Variants in PATJ observed in about 807,000 individuals in gnomAD.
PATJ encodes the protein inaD-like protein.
PATJ carries 190 observed loss-of-function variants against 224.9 expected under a neutral mutation model. The ratio of observed to expected loss-of-function variants is 0.84; its 90% CI spans 0.75 to 0.95. The LOEUF (loss-of-function observed/expected upper bound fraction) is 0.95, where lower values mean the gene tolerates loss of function less well. PATJ is among the 40% of genes least tolerant of loss of function. The probability of loss-of-function intolerance (pLI) is 0.00; values close to 1 mark genes in which losing one functional copy is unlikely to be tolerated. For synonymous variants in PATJ, 769 were observed against 820.3 expected, an observed-to-expected ratio of 0.94 and a Z score of 1.07; for missense variants, 2,121 against 2,270.3, an observed-to-expected ratio of 0.93 and a Z score of 1.34.
intron 43 of PATJ, among the ~76,000 whole-genome samples, chr1:62,154,221 A>AT (rs1300253749): frequency 5.3e-5 from 8 of 151,922 alleles, no homozygotes; most frequent in Non-Finnish European, 7.4e-5. Context: ...AACTTCACTG[A>AT]TTTTTTTAAT....
intron 8 of PATJ, among the ~76,000 whole-genome samples, chr1:61,789,242 GT>G (rs1419996321): frequency 6.6e-6 from 1 of 151,902 alleles, no homozygotes; most frequent in Non-Finnish European, 1.5e-5. Context: ...GGAGGCAGAG[GT>G]TGCAGTGAGC....
At chr1:62,108,360 G>A in intron 33 of PATJ, 77 bp from the exon 34 acceptor site, 1 of 673,828 alleles carries the variant, frequency 1.5e-6, no homozygotes, top group Non-Finnish European at 2.5e-6. Flanking sequence ...AGAAAATTAT[G>A]GGTTGCTGCC....
chr1:62,101,930 C>A (rs988304509), intron 33 of PATJ, among the ~76,000 whole-genome samples: 4 of 152,134 alleles, frequency 2.6e-5, no homozygotes, highest in South Asian at 2.1e-4. Context: ...TGTAATCCCA[C>A]CACTTTAGTA....
At chr1:61,798,870 T>G (rs926399485) in intron 11 of PATJ, among the ~76,000 whole-genome samples, 3 of 151,732 alleles carry the variant, frequency 2.0e-5, no homozygotes, top group Non-Finnish European at 2.9e-5. Context: ...CGTGACAGAG[T>G]GAGACCTGTC....
intron 41 of PATJ, among the ~76,000 whole-genome samples, chr1:62,136,015 A>ATT (rs374594803): frequency 0.077 from 4,897 of 63,888 alleles, 1,070 homozygotes; most frequent in Middle Eastern, 0.12. Flanking sequence ...AGACCATTAG[A>ATT]TTTTTTTTTT....
chr1:61,987,589 C>T (rs986475414), intron 27 of PATJ, among the ~76,000 whole-genome samples: 2 of 152,166 alleles, frequency 1.3e-5, no homozygotes, highest in Non-Finnish European at 2.9e-5. Context: ...AGCCTCCTCT[C>T]AACCCCCCAT....
chr1:61,832,440 C>G (rs1026246412), intron 16 of PATJ, among the ~76,000 whole-genome samples: 1 of 152,034 alleles, frequency 6.6e-6, no homozygotes, highest in African/African-American at 2.4e-5. Flanking sequence ...AATTGCTTCT[C>G]TTATACTGGT....
chr1:62,152,382 C>T (rs1027567407), intron 42 of PATJ, among the ~76,000 whole-genome samples: 17 of 144,000 alleles, frequency 1.2e-4, no homozygotes, highest in Admixed American at 5.5e-4. Flanking sequence ...AGTCTGAGTG[C>T]GGCAGCTCAC....
intron 17 of PATJ, among the ~76,000 whole-genome samples, chr1:61,840,516 A>G (rs1570819253): frequency 6.6e-6 from 1 of 152,012 alleles, no homozygotes; most frequent in Non-Finnish European, 1.5e-5. Context: ...AAACTTTGAC[A>G]TATAAATGGA....
chr1:62,135,506 A>C, intron 41 of PATJ, among the ~76,000 whole-genome samples: 1 of 106,788 alleles, frequency 9.4e-6, no homozygotes, highest in African/African-American at 4.0e-5. Context: ...ACAGAGCGAG[A>C]CTCCGTCTCA....
At chr1:62,154,199 GTAAT>G in intron 43 of PATJ, among the ~76,000 whole-genome samples, 1 of 152,168 alleles carries the variant, frequency 6.6e-6, no homozygotes, top group South Asian at 2.1e-4. Flanking sequence ...CCCAGCCTGA[GTAAT>G]TATTTTTAAC....
At chr1:62,003,815 G>A (rs1281240194) in intron 28 of PATJ, among the ~76,000 whole-genome samples, 1 of 152,138 alleles carries the variant, frequency 6.6e-6, no homozygotes, top group Non-Finnish European at 1.5e-5. Context: ...TTTGGAAAGT[G>A]GGCATCTTCT....
At chr1:62,034,725 C>G (rs758505580) in intron 29 of PATJ, among the ~76,000 whole-genome samples, 1 of 152,078 alleles carries the variant, frequency 6.6e-6, no homozygotes, top group Non-Finnish European at 1.5e-5. Context: ...CAGCTTTCTT[C>G]TTTTCAGTGA....
intron 28 of PATJ, among the ~76,000 whole-genome samples, chr1:62,005,304 C>T (rs1646023772): frequency 6.6e-6 from 1 of 151,926 alleles, no homozygotes; most frequent in African/African-American, 2.4e-5. Flanking sequence ...AAGTGATCCA[C>T]CCACCTTGGC....
At chr1:62,133,787 C>T (rs1666516689) in intron 41 of PATJ, among the ~76,000 whole-genome samples, 1 of 144,554 alleles carries the variant, frequency 6.9e-6, no homozygotes, top group Non-Finnish European at 1.5e-5. Context: ...CGCTCTGAAG[C>T]CCAGGCTGGA....
intron 35 of PATJ, among the ~76,000 whole-genome samples, chr1:62,115,561 G>A (rs1664364574): frequency 6.7e-6 from 1 of 150,358 alleles, no homozygotes; most frequent in Admixed American, 6.7e-5. Flanking sequence ...CAGTGAATTG[G>A]AAAGGTAAGT....
Position 62,050,980 on chromosome 1 carries a change from C to T in PATJ, c.4047C>T (p.Thr1349=), listed in dbSNP as rs370259407. 97 of 1,613,446 alleles carry T rather than the reference C, an allele frequency of 6.0e-5. 1 individual carries two copies. The highest frequency in any genetic ancestry group is 3.1e-4 in the African/African-American group (23 of 74,904). ...SPSSIEDQSG[T]EPISSEEDGS... ...ACGTTCCATAGGATCAGAGCGGCACCGAACCTATTAGTAGTGAGGAAGATG... is the reference window on the plus strand; with the variant it reads ...ACGTTCCATAGGATCAGAGCGGCACTGAACCTATTAGTAGTGAGGAAGATG... The change falls in exon 31 of 44, where the codon ACC becomes ACT. Residue 1349 remains threonine (T), a synonymous_variant. Coordinates refer to ENST00000642238, the MANE Select transcript of PATJ (RefSeq NM_001350145.3).
At chr1:62,026,343 A>G (rs1442612219) in intron 29 of PATJ, among the ~76,000 whole-genome samples, 1 of 152,226 alleles carries the variant, frequency 6.6e-6, no homozygotes, top group African/African-American at 2.4e-5. Context: ...CAATTAATAC[A>G]GGAAGTATAG....
At chr1:62,047,120 A>T (rs1652707106) in intron 30 of PATJ, among the ~76,000 whole-genome samples, 1 of 152,364 alleles carries the variant, frequency 6.6e-6, no homozygotes, top group East Asian at 1.9e-4. Context: ...GTGCATAATT[A>T]GATGAATGTT....
Sources: gnomAD v4.1 joint callset for allele counts (sites outside exome capture counted in the v4.1 genomes callset) on GRCh38, gnomAD v4.1.1 for gene constraint, MANE v1.5 for transcripts, NCBI Gene and HGNC (gene_info 2026-07-23, HGNC 2026-07-21) for gene names.